Variants in ADAM19 observed in about 807,000 individuals in gnomAD.
ADAM19 encodes the protein ADAM metallopeptidase domain 19, also known as disintegrin and metalloproteinase domain-containing protein 19.
ADAM19 carries 65 observed loss-of-function variants against 114.7 expected under a neutral mutation model. The observed-to-expected ratio is 0.57, with a 90% CI of 0.46 to 0.70. The LOEUF (loss-of-function observed/expected upper bound fraction) is 0.70, where lower values mean the gene tolerates loss of function less well. Among genes scored for constraint, ADAM19 ranks in the 30% least tolerant of loss-of-function variants. The pLI is 0.00. For missense variants in ADAM19, 1,063 were observed against 1,204.7 expected, an observed-to-expected ratio of 0.88 and a Z score of 1.74; for synonymous variants, 466 against 460.5, an observed-to-expected ratio of 1.01 and a Z score of -0.15.
At chr5:157,513,034 T>A (rs1256340437) in intron 8 of ADAM19, among the ~76,000 whole-genome samples, 32 of 152,074 alleles carry the variant, frequency 2.1e-4, no homozygotes, top group Admixed American at 2.1e-3. Flanking sequence ...GAGGAAGGGG[T>A]CAGAAGGACA....
intron 2 of ADAM19, chr5:157,566,650 G>C (rs1270421059): frequency 6.6e-6 from 1 of 152,150 alleles, no homozygotes; most frequent in African/African-American, 2.4e-5. Context: ...ATTCTTTGGA[G>C]TGTTTTAAAC....
chr5:157,552,677 C>CAAAAA (rs778402112), intron 3 of ADAM19, among the ~76,000 whole-genome samples: 3 of 59,342 alleles, frequency 5.1e-5, no homozygotes, highest in East Asian at 5.2e-4. Flanking sequence ...GGACTCTACT[C>CAAAAA]AAAAAAAAAA....
At chr5:157,515,265 C>G (rs138089308) in intron 7 of ADAM19, among the ~76,000 whole-genome samples, 3 of 152,242 alleles carry the variant, frequency 2.0e-5, no homozygotes, top group African/African-American at 7.2e-5. Context: ...TCGGCACAGA[C>G]AGCGTTGCAG....
chr5:157,535,411 C>T (rs1756735216), intron 4 of ADAM19, among the ~76,000 whole-genome samples: 1 of 152,232 alleles, frequency 6.6e-6, no homozygotes. Flanking sequence ...ACATTCGGGT[C>T]AAGGGCAGCT....
At chr5:157,518,336 T>C (rs1384456667) in intron 7 of ADAM19, among the ~76,000 whole-genome samples, 3 of 133,388 alleles carry the variant, frequency 2.2e-5, no homozygotes, top group Non-Finnish European at 4.8e-5. Context: ...CGGGGGGAGT[T>C]GGGGGAGTTC....
intron 21 of ADAM19, among the ~76,000 whole-genome samples, chr5:157,483,832 C>T (rs1754840637): frequency 6.6e-6 from 1 of 152,010 alleles, no homozygotes; most frequent in African/African-American, 2.4e-5. Context: ...CGGGGTTTCG[C>T]CATGTTGGTC....
chr5:157,542,278 A>G (rs1314380761), intron 3 of ADAM19, among the ~76,000 whole-genome samples: 4 of 150,444 alleles, frequency 2.7e-5, no homozygotes, highest in Non-Finnish European at 5.9e-5. Context: ...TTTTCAGGTG[A>G]TTTATGTTTT....
intron 12 of ADAM19, among the ~76,000 whole-genome samples, chr5:157,500,362 T>C (rs1755521983): frequency 6.6e-6 from 1 of 152,216 alleles, no homozygotes; most frequent in Non-Finnish European, 1.5e-5. Context: ...CACATACATA[T>C]ATATTTATAC....
At chr5:157,556,201 TTC>T (rs1395775797) in intron 3 of ADAM19, among the ~76,000 whole-genome samples, 2 of 133,304 alleles carry the variant, frequency 1.5e-5, no homozygotes, top group African/African-American at 5.8e-5. Context: ...CTGTTTTTTT[TTC>T]TTTTTCTTTT....
At chr5:157,564,537 T>A (rs1757599869) in intron 2 of ADAM19, 94 bp from the exon 3 acceptor site, 1 of 1,061,186 alleles carries the variant, frequency 9.4e-7, no homozygotes, top group South Asian at 1.3e-5. Flanking sequence ...CCAACATTGA[T>A]CCACAGGAAG....
intron 11 of ADAM19, 124 bp downstream of exon 11, chr5:157,505,545 C>T (rs1429120163): frequency 8.9e-7 from 1 of 1,127,566 alleles, no homozygotes; most frequent in Non-Finnish European, 1.2e-6. Context: ...GTAAAAACTA[C>T]ATTTTTTGGC....
Position 157,481,796 on chromosome 5 carries a change from G to C in ADAM19, c.2698C>G (p.Pro900Ala). ...AGGGCTTCCCGTGGACTCACCTTTGGGGCAAGTGCTGCCAGAGGCCGGGAC... is the reference window on the plus strand; with the variant it reads ...AGGGCTTCCCGTGGACTCACCTTTGCGGCAAGTGCTGCCAGAGGCCGGGAC... Reference protein sequence around the residue: ...QQSRPLAALAPKFPEYRSQRA... With the variant: ...QQSRPLAALAAKFPEYRSQRA... The change falls in exon 22 of 23, where the codon CCA becomes GCA. Residue 900 changes from proline (P) to alanine (A), a missense_variant. Physicochemically the swap from Pro to Ala is conservative, Grantham distance 27. This residue lies in a region of ADAM19 where 424 missense variants were observed against 445.5 expected (regional missense o/e 0.95). Coordinates refer to ENST00000257527, the MANE Select transcript of ADAM19 (RefSeq NM_033274.5). 6.4e-7 allele frequency: 1 copy of C among 1,572,404 alleles called. No individual in the cohort carries two copies. Among genetic ancestry groups the C allele is most frequent in the East Asian group, 2.3e-5 (1 of 43,188 alleles).
chr5:157,483,368 A>G (rs753143039), intron 21 of ADAM19, among the ~76,000 whole-genome samples: 1 of 152,210 alleles, frequency 6.6e-6, no homozygotes, highest in African/African-American at 2.4e-5. Flanking sequence ...GCAAAATTTC[A>G]TCAGCAGAAA....
rs1163577335 is a variant in ADAM19, at chr5:157,507,050, A to G, written c.990+6T>C. The G allele has an allele frequency of 6.2e-7, 1 of 1,613,800 alleles. No individual in the cohort carries two copies. The highest frequency in any genetic ancestry group is 2.2e-5 in the East Asian group (1 of 44,884). ...CTGCAGCGCACACACACGGGCTGAG[A>G]CTCACCATGTTGACTCCTCCAGACT... On this transcript the variant is annotated splice_donor_region_variant and intron_variant, in intron 10 of 22. Coordinates refer to ENST00000257527, the MANE Select transcript of ADAM19 (RefSeq NM_033274.5).
At position 157,479,058 on chromosome 5, in the gene ADAM19, C is replaced by T; in HGVS notation, c.*1891G>A. The T allele has an allele frequency of 1.0e-6, 1 of 985,726 alleles. No homozygotes were observed. Among genetic ancestry groups the T allele is most frequent in the Non-Finnish European group, 1.2e-6 (1 of 829,932 alleles). 61.1% of individuals were successfully genotyped at this position (985,726 alleles called of 1,614,324 possible). A position where few individuals can be genotyped will look rare whatever the true frequency, so the allele number is the denominator to read the frequency against. ...CCAAGCCTTGAGGCAGAGGGTAGCA[C>T]ATTTAAATAAAAGGTTGGGCCACAG... On this transcript the variant is annotated 3_prime_UTR_variant, in exon 23 of 23. Transcript: ENST00000257527.
chr5:157,573,015 C>A (rs1407940945), intron 1 of ADAM19, among the ~76,000 whole-genome samples: 1 of 152,126 alleles, frequency 6.6e-6, no homozygotes, highest in East Asian at 1.9e-4. Flanking sequence ...GCCTGAGTGA[C>A]AGAGCAAGAC....
chr5:157,524,714 C>T (rs1756404834), intron 5 of ADAM19, among the ~76,000 whole-genome samples: 3 of 152,182 alleles, frequency 2.0e-5, no homozygotes, highest in Admixed American at 2.0e-4. Context: ...GGACAGGGTG[C>T]CCCCATATAG....
chr5:157,509,165 C>T (rs561417435), intron 9 of ADAM19, 136 bp downstream of exon 9: 3 of 837,856 alleles, frequency 3.6e-6, no homozygotes, highest in Non-Finnish European at 3.5e-6. Flanking sequence ...TTAGGAAATG[C>T]CTGATTCTCT....
chr5:157,572,093 T>C (rs558564794), intron 1 of ADAM19, among the ~76,000 whole-genome samples: 1 of 152,120 alleles, frequency 6.6e-6, no homozygotes, highest in South Asian at 2.1e-4. Flanking sequence ...GTCCTGTTTT[T>C]TTTTTCTTTT....
Sources: allele counts gnomAD v4.1 joint callset (sites outside exome capture counted in the v4.1 genomes callset), GRCh38; gene constraint gnomAD v4.1.1; regional missense constraint gnomAD v4.1.1; transcripts MANE v1.5; gene names NCBI Gene and HGNC (gene_info 2026-07-23, HGNC 2026-07-21).